The following PEX3 variants were observed in gnomAD, a reference collection of about 807,000 sequenced individuals.
The protein encoded by PEX3 is peroxin-3.
In PEX3, 30 loss-of-function variants were observed where a neutral mutation model predicts 55.8. That is an observed-to-expected ratio of 0.54 (90% CI 0.40 to 0.73). PEX3 has a LOEUF of 0.73. Among genes scored for constraint, PEX3 ranks in the 30% least tolerant of loss-of-function variants. The pLI, the probability that PEX3 is intolerant of heterozygous loss-of-function variation, is 0.00. For missense variants in PEX3, 351 were observed against 432.8 expected (o/e 0.81, Z 1.68); for synonymous variants, 135 against 148.4 (o/e 0.91, Z 0.66).
chr6:143,474,559 G>A (rs545819342), intron 8 of PEX3, among the ~76,000 whole-genome samples: 1 of 152,022 alleles, frequency 6.6e-6, no homozygotes, highest in Admixed American at 6.5e-5. Flanking sequence ...GATAAACAGA[G>A]CTCTTACTAA....
Position 143,462,776 on chromosome 6 carries a change from T to G in PEX3, c.206-140T>G, listed in dbSNP as rs1182767694. On this transcript the variant is annotated intron_variant, in intron 2 of 11. Transcript: ENST00000367591. This position sits in a 1 kb window ranked among gnomAD's most constrained non-coding sequence, Gnocchi z 4.1. ...ATCGTTTTATAATAATAATAATAATTTGAATCGTCTAGCCCTGACTTTCCC... is the reference window on the plus strand; with the variant it reads ...ATCGTTTTATAATAATAATAATAATGTGAATCGTCTAGCCCTGACTTTCCC... 7.8e-6 allele frequency: 5 copies of G among 641,436 alleles called. No homozygotes were observed. The highest frequency in any genetic ancestry group is 2.8e-5 in the East Asian group (1 of 36,356). 39.7% of individuals were successfully genotyped at this position (641,436 alleles called of 1,614,324 possible).
chr6:143,460,864 CAAAAA>C (rs57329535), intron 2 of PEX3, among the ~76,000 whole-genome samples: 1 of 76,180 alleles, frequency 1.3e-5, no homozygotes, highest in Non-Finnish European at 2.9e-5. Flanking sequence ...AACTCTGTCT[CAAAAA>C]AAAAAAAAAA....
intron 3 of PEX3, 60 bp from the exon 4 acceptor site, chr6:143,468,062 A>T: frequency 1.1e-6 from 1 of 896,306 alleles, no homozygotes; most frequent in African/African-American, 1.7e-5. Flanking sequence ...TATAAAATTC[A>T]GAGTTTTCTA....
chr6:143,489,004 A>G lies in PEX3; in HGVS notation c.1039-139A>G. The G allele has an allele frequency of 1.6e-6, 1 of 635,462 alleles. No homozygotes were observed. Among genetic ancestry groups the G allele is most frequent in the Non-Finnish European group, 2.9e-6 (1 of 350,818 alleles). 39.4% of individuals were successfully genotyped at this position (635,462 alleles called of 1,614,324 possible). On this transcript the variant is annotated intron_variant, in intron 11 of 11. Coordinates refer to ENST00000367591, the MANE Select transcript of PEX3 (RefSeq NM_003630.3). The surrounding 1 kb of genome is among the most constrained non-coding windows in gnomAD (Gnocchi z 5.5). ...TCTCCTAGAATTTATTACAAGAAAA[A>G]CTACTCATTTTCTTAAATGGTTTGC...
In PEX3 at chr6:143,485,756, T is replaced by C. The variant is rs1169618338; in HGVS notation, c.1038+508T>C. ...CAGACTACCTATAACTCCATCTTAT[T>C]TCTTCATTTCCATTTGGAATGCATG... On this transcript the variant is annotated intron_variant, in intron 11 of 11. Transcript: ENST00000367591. This position sits in a 1 kb window ranked among gnomAD's most constrained non-coding sequence, Gnocchi z 5.6. Among the ~76,000 whole-genome samples, 1 of 152,160 alleles carries C rather than the reference T, an allele frequency of 6.6e-6. No homozygotes were observed. Among genetic ancestry groups the C allele is most frequent in the Admixed American group, 6.6e-5 (1 of 15,248 alleles).
At position 143,483,495 on chromosome 6, in the gene PEX3, A is replaced by C. The variant is rs1036464848; in HGVS notation, c.942-1657A>C. Among the ~76,000 whole-genome samples, 1 of 152,166 alleles carries C rather than the reference A, an allele frequency of 6.6e-6. No homozygotes were observed. Among genetic ancestry groups the C allele is most frequent in the Non-Finnish European group, 1.5e-5 (1 of 68,010 alleles). On this transcript the variant is annotated intron_variant, in intron 10 of 11. Coordinates refer to ENST00000367591, the MANE Select transcript of PEX3 (RefSeq NM_003630.3). The surrounding 1 kb of genome is among the most constrained non-coding windows in gnomAD (Gnocchi z 4.3). ...GCTACAGGGCAAAGGTTTTGAAGCC[A>C]CCTAAGTACATTTTAAGACTTATAA... is the stretch of plus-strand genomic sequence containing the variant.
chr6:143,464,760 C>T lies in PEX3; in HGVS notation c.287+1763C>T, dbSNP rs932589773. Among the ~76,000 whole-genome samples the T allele has an allele frequency of 6.6e-6, 1 of 151,696 alleles. No homozygotes were observed. The highest frequency in any genetic ancestry group is 2.4e-5 in the African/African-American group (1 of 41,354). ...TGAAAAATATTTGCATAAATAAGGGCTTGATCCCTTACAAAGTATCATTAA... is the reference window on the plus strand; with the variant it reads ...TGAAAAATATTTGCATAAATAAGGGTTTGATCCCTTACAAAGTATCATTAA... On this transcript the variant is annotated intron_variant, in intron 3 of 11. Coordinates refer to ENST00000367591, the MANE Select transcript of PEX3 (RefSeq NM_003630.3). This position sits in a 1 kb window ranked among gnomAD's most constrained non-coding sequence, Gnocchi z 5.8.
Position 143,465,024 on chromosome 6 carries a change from A to G in PEX3, c.287+2027A>G, listed in dbSNP as rs1779973432. On this transcript the variant is annotated intron_variant, in intron 3 of 11. Transcript: ENST00000367591. The surrounding 1 kb of genome is among the most constrained non-coding windows in gnomAD (Gnocchi z 4.7). ...CTCTTCTTGAAGACTGATAATGGCAATGAAGTTTCAATGGCAAAAACAAAA... is the reference window on the plus strand; with the variant it reads ...CTCTTCTTGAAGACTGATAATGGCAGTGAAGTTTCAATGGCAAAAACAAAA... Among the ~76,000 whole-genome samples, 1 of 152,056 alleles carries G rather than the reference A, an allele frequency of 6.6e-6. No homozygotes were observed. Among genetic ancestry groups the G allele is most frequent in the South Asian group, 2.1e-4 (1 of 4,836 alleles).
In PEX3 at chr6:143,465,799, T is replaced by C. The variant is rs1410416733; in HGVS notation, c.288-2323T>C. 6.6e-6 allele frequency among the ~76,000 whole-genome samples: 1 copy of C among 151,986 alleles called. No individual in the cohort carries two copies. The highest frequency in any genetic ancestry group is 1.9e-4 in the East Asian group (1 of 5,198). ...GAACCTGTGCCATCTAGGAAAGAGG[T>C]AACTGAAACTATAGAGTCTGCTCAT... is the stretch of plus-strand genomic sequence containing the variant. On this transcript the variant is annotated intron_variant, in intron 3 of 11. Coordinates refer to ENST00000367591, the MANE Select transcript of PEX3 (RefSeq NM_003630.3). The surrounding 1 kb of genome is among the most constrained non-coding windows in gnomAD (Gnocchi z 4.7).
chr6:143,465,323 A>G lies in PEX3; in HGVS notation c.287+2326A>G, dbSNP rs912185271. Among the ~76,000 whole-genome samples the G allele has an allele frequency of 2.6e-5, 4 of 152,108 alleles. No individual in the cohort carries two copies. Among genetic ancestry groups the G allele is most frequent in the African/African-American group, 9.6e-5 (4 of 41,564 alleles). On this transcript the variant is annotated intron_variant, in intron 3 of 11. Transcript: ENST00000367591. The surrounding 1 kb of genome is among the most constrained non-coding windows in gnomAD (Gnocchi z 4.7). The stretch of plus-strand genomic sequence containing the variant: ...CATCAGTATTTAAAAATCTACTTTT[A>G]AGGTCTAATAATGTTAAGTGTAAAC...
rs1294270342 is a variant in PEX3, at chr6:143,479,562, T to C, written c.941+364T>C. On this transcript the variant is annotated intron_variant, in intron 10 of 11. Coordinates refer to ENST00000367591, the MANE Select transcript of PEX3 (RefSeq NM_003630.3). This position sits in a 1 kb window ranked among gnomAD's most constrained non-coding sequence, Gnocchi z 4.6. ...ATTCCATTACTGCAGGCCATTTTGG[T>C]CTGCATATTTCAATATTTTGTTCCT... is the stretch of plus-strand genomic sequence containing the variant. Among the ~76,000 whole-genome samples, 2 of 152,110 alleles carry C rather than the reference T, an allele frequency of 1.3e-5. No individual in the cohort carries two copies. The highest frequency in any genetic ancestry group is 1.5e-5 in the Non-Finnish European group (1 of 67,962).
Position 143,485,046 on chromosome 6 carries a change from A to G in PEX3, c.942-106A>G, listed in dbSNP as rs1780296520. The G allele has an allele frequency of 5.3e-6, 4 of 749,446 alleles. No individual in the cohort carries two copies. The South Asian group carries it at 5.9e-5, about 11-fold the overall frequency. The allele number at this position is 749,446 out of a possible 1,614,324, so 46.4% of individuals were successfully genotyped here. The stretch of plus-strand genomic sequence containing the variant: ...TGGGGTTTTTTTTCCTTTTTAATAG[A>G]TTTCCAAAAATATTCTACAATGGCT... On this transcript the variant is annotated intron_variant, in intron 10 of 11. Transcript: ENST00000367591. The surrounding 1 kb of genome is among the most constrained non-coding windows in gnomAD (Gnocchi z 5.6).
At chr6:143,470,370 A>G (rs1354484872) in intron 4 of PEX3, among the ~76,000 whole-genome samples, 1 of 152,174 alleles carries the variant, frequency 6.6e-6, no homozygotes, top group Non-Finnish European at 1.5e-5. Flanking sequence ...TCACCTAAGC[A>G]GGTCTCTCAA....
rs1214163930 is a variant in PEX3, at chr6:143,486,410, A to G, written c.1038+1162A>G. Among the ~76,000 whole-genome samples, 1 of 152,164 alleles carries G rather than the reference A, an allele frequency of 6.6e-6. No individual in the cohort carries two copies. The highest frequency in any genetic ancestry group is 1.5e-5 in the Non-Finnish European group (1 of 68,010). On this transcript the variant is annotated intron_variant, in intron 11 of 11. Transcript: ENST00000367591. The surrounding 1 kb of genome is among the most constrained non-coding windows in gnomAD (Gnocchi z 5.0). ...TAAAGCATCATCAGCCTTAATGCTTAAATAATTTTATGCACTACACTTTAA... is the reference window on the plus strand; with the variant it reads ...TAAAGCATCATCAGCCTTAATGCTTGAATAATTTTATGCACTACACTTTAA...
rs539669127 is a variant in PEX3 at position 143,462,754 on chromosome 6, G to A, written c.206-162G>A. Among the ~76,000 whole-genome samples the A allele has an allele frequency of 4.1e-3, 629 of 152,128 alleles. 2 individuals carry two copies. Among genetic ancestry groups the A allele is most frequent in the Non-Finnish European group, 7.6e-3 (518 of 67,986 alleles). ...ATAAATGATTTGTTAGGATATAATC[G>A]TTTTATAATAATAATAATAATTTGA... On this transcript the variant is annotated intron_variant, in intron 2 of 11. Transcript: ENST00000367591. The surrounding 1 kb of genome is among the most constrained non-coding windows in gnomAD (Gnocchi z 4.1).
In PEX3 at chr6:143,450,820, C is replaced by T. The variant is rs557109674; in HGVS notation, c.-223C>T. The T allele has an allele frequency of 2.2e-5, 18 of 804,734 alleles. 1 individual carries two copies. The East Asian group carries it at 2.8e-4, about 13-fold the overall frequency. 49.8% of individuals were successfully genotyped at this position (804,734 alleles called of 1,614,324 possible). On this transcript the variant is annotated 5_prime_UTR_variant, in exon 1 of 12. Coordinates refer to ENST00000367591, the MANE Select transcript of PEX3 (RefSeq NM_003630.3). Reference sequence around the variant, plus strand: ...TTGTCGGACCAGTGAGCGGCGGCGGCTGCGCGGCGGCAGCGGCAGAAAGCG... The same window carrying T: ...TTGTCGGACCAGTGAGCGGCGGCGGTTGCGCGGCGGCAGCGGCAGAAAGCG...
Position 143,459,883 on chromosome 6 carries a change from C to A in PEX3, c.205+667C>A, listed in dbSNP as rs187038826. Among the ~76,000 whole-genome samples the A allele has an allele frequency of 2.0e-5, 3 of 152,174 alleles. No individual in the cohort carries two copies. In the South Asian group the frequency reaches 6.2e-4, roughly 32 times the overall value. ...CCTGTGAGTCGTCCACAATAGTATA[C>A]ACTCAGGCAATGTTAATTAATGGCA... is the stretch of plus-strand genomic sequence containing the variant. On this transcript the variant is annotated intron_variant, in intron 2 of 11. Transcript: ENST00000367591. This position sits in a 1 kb window ranked among gnomAD's most constrained non-coding sequence, Gnocchi z 4.2.
rs982487014 is a variant in PEX3, at chr6:143,465,944, A to G, written c.288-2178A>G. On this transcript the variant is annotated intron_variant, in intron 3 of 11. Coordinates refer to ENST00000367591, the MANE Select transcript of PEX3 (RefSeq NM_003630.3). The surrounding 1 kb of genome is among the most constrained non-coding windows in gnomAD (Gnocchi z 4.7). The stretch of plus-strand genomic sequence containing the variant: ...TAAAGAATATGGACTTGTGTTTTCT[A>G]TATCTGTGGTTTTTTTTATTTCATG... 3.3e-5 allele frequency among the ~76,000 whole-genome samples: 5 copies of G among 152,040 alleles called. No homozygotes were observed. Among genetic ancestry groups the G allele is most frequent in the African/African-American group, 1.2e-4 (5 of 41,422 alleles).
At position 143,451,673 on chromosome 6, in the gene PEX3, G is replaced by A. The variant is rs1562648713; in HGVS notation, c.73+558G>A. ...TTTTAGCTCTGTTTCTGCCATTTTA[G>A]AATACAAACTATGGCAGTAAGAAAA... On this transcript the variant is annotated intron_variant, in intron 1 of 11. Coordinates refer to ENST00000367591, the MANE Select transcript of PEX3 (RefSeq NM_003630.3). This position sits in a 1 kb window ranked among gnomAD's most constrained non-coding sequence, Gnocchi z 4.1. Among the ~76,000 whole-genome samples, 1 of 152,182 alleles carries A rather than the reference G, an allele frequency of 6.6e-6. No homozygotes were observed.
Sources: allele counts gnomAD v4.1 joint callset (sites outside exome capture counted in the v4.1 genomes callset), GRCh38; gene constraint gnomAD v4.1.1; non-coding constraint Gnocchi (gnomAD v3.1); transcripts MANE v1.5; gene names NCBI Gene and HGNC (gene_info 2026-07-23, HGNC 2026-07-21).